DTL: variants seen among roughly 807,000 people sequenced by gnomAD.
The protein encoded by DTL is denticleless protein homolog.
In DTL, 46 loss-of-function variants were observed where a neutral mutation model predicts 87.0. The observed-to-expected ratio is 0.53, with a 90% CI of 0.42 to 0.68. DTL has a LOEUF of 0.68. Ranked by LOEUF, DTL falls within the 30% of genes least tolerant of loss-of-function variation. The pLI is 0.00. For synonymous variants in DTL, 308 were observed against 311.2 expected, an observed-to-expected ratio of 0.99 and a Z score of 0.11; for missense variants, 737 against 869.4, an observed-to-expected ratio of 0.85 and a Z score of 1.91.
At chr1:212,044,601 T>TGAAA (rs1349457871) in intron 2 of DTL, 59 bp from the exon 3 acceptor site, 17 of 926,192 alleles carry the variant, frequency 1.8e-5, no homozygotes, top group Non-Finnish European at 2.6e-5. Context: ...AGACTCCGTC[T>TGAAA]GAAAAAAAAA....
chr1:212,068,834 C>T lies in DTL; in HGVS notation c.922+131C>T, dbSNP rs187352592. 1.4e-5 allele frequency: 8 copies of T among 565,156 alleles called. No homozygotes were observed. The African/African-American group carries it at 1.5e-4, about 11-fold the overall frequency. 35.0% of individuals were successfully genotyped at this position (565,156 alleles called of 1,614,324 possible). ...ATGAGGACTTTGGCATCTTTGATTA[C>T]ATCCAGTGATAATTTCATAAGTGTA... On this transcript the variant is annotated intron_variant, in intron 10 of 14. Coordinates refer to ENST00000366991, the MANE Select transcript of DTL (RefSeq NM_016448.4).
At chr1:212,042,903 T>C in intron 1 of DTL, 90 bp from the exon 2 acceptor site, 2 of 1,281,376 alleles carry the variant, frequency 1.6e-6, no homozygotes, top group Non-Finnish European at 2.1e-6. Flanking sequence ...ATCTAAAGTT[T>C]CTTAAGGACA....
Position 212,072,231 on chromosome 1 carries a change from A to G in DTL, c.1035+18A>G, listed in dbSNP as rs745838994. The stretch of plus-strand genomic sequence containing the variant: ...TATGGAAGGTAAGTTGCTAAACTTC[A>G]CCCACAAGTGTTAGACTGAAGTATT... On this transcript the variant is annotated intron_variant, in intron 11 of 14. Transcript: ENST00000366991. 1 of 1,565,952 alleles carries G rather than the reference A, an allele frequency of 6.4e-7. No homozygotes were observed. The highest frequency in any genetic ancestry group is 1.7e-5 in the Admixed American group (1 of 59,908).
At chr1:212,036,620 A>G (rs970107812) in intron 1 of DTL, among the ~76,000 whole-genome samples, 1 of 152,210 alleles carries the variant, frequency 6.6e-6, no homozygotes, top group Non-Finnish European at 1.5e-5. Flanking sequence ...CAGTTTTTTC[A>G]CTTTAATGGT....
chr1:212,048,354 A>G (rs1362119497), intron 5 of DTL, among the ~76,000 whole-genome samples: 2 of 151,900 alleles, frequency 1.3e-5, no homozygotes, highest in East Asian at 3.9e-4. Context: ...CACCACGCCC[A>G]GCTAATTTTT....
At chr1:212,072,925 G>A (rs960196743) in intron 11 of DTL, among the ~76,000 whole-genome samples, 3 of 151,922 alleles carry the variant, frequency 2.0e-5, no homozygotes, top group South Asian at 4.2e-4. Context: ...CACCACGCCC[G>A]GCTAATTTCT....
chr1:212,093,203 C>G (rs1655338125), intron 13 of DTL, among the ~76,000 whole-genome samples: 1 of 152,136 alleles, frequency 6.6e-6, no homozygotes, highest in African/African-American at 2.4e-5. Context: ...GCTCAGACCT[C>G]TACGGGAGCA....
chr1:212,089,968 A>G (rs1199863129), intron 13 of DTL, among the ~76,000 whole-genome samples: 1 of 152,204 alleles, frequency 6.6e-6, no homozygotes, highest in African/African-American at 2.4e-5. Context: ...GGAACAGATG[A>G]CTGTGGCAGC....
Position 212,104,821 on chromosome 1 carries a change from C to G in DTL, c.*1881C>G, listed in dbSNP as rs2102593981. On this transcript the variant is annotated 3_prime_UTR_variant, in exon 15 of 15. Coordinates refer to ENST00000366991, the MANE Select transcript of DTL (RefSeq NM_016448.4). ...GTCCATGTCAGACTTTGAGCTGATC[C>G]TGAATAATAAAGCCTTTTACCTTAT... The G allele has an allele frequency of 6.6e-6, 1 of 152,210 alleles. No homozygotes were observed. The highest frequency in any genetic ancestry group is 2.1e-4 in the South Asian group (1 of 4,822). The allele number at this position is 152,210 out of a possible 1,614,324, so 9.4% of individuals were successfully genotyped here.
chr1:212,060,734 C>CA (rs36050858), intron 5 of DTL, among the ~76,000 whole-genome samples: 12,896 of 90,280 alleles, frequency 0.14, 695 homozygotes, highest in Admixed American at 0.2. Flanking sequence ...GACTCAGTCT[C>CA]AAAAAAAAAA....
chr1:212,046,308 A>G (rs540941177), intron 3 of DTL, among the ~76,000 whole-genome samples: 274 of 152,292 alleles, frequency 1.8e-3, no homozygotes, highest in Non-Finnish European at 2.7e-3. Context: ...TTTAAGTTCC[A>G]GGGTACATGT....
rs1052802173 is a variant in DTL, at chr1:212,098,319, T to A, written c.1262-1933T>A. Reference sequence around the variant, plus strand: ...CTGCTTTCTTGGAGCAGGGTTGTTCTGTTGAATTGCTGTAATGGCTTGAAT... The same window carrying A: ...CTGCTTTCTTGGAGCAGGGTTGTTCAGTTGAATTGCTGTAATGGCTTGAAT... On this transcript the variant is annotated intron_variant, in intron 13 of 14. Transcript: ENST00000366991. Among the ~76,000 whole-genome samples the A allele has an allele frequency of 5.9e-5, 9 of 152,248 alleles. No individual in the cohort carries two copies. The South Asian group carries it at 8.3e-4, about 14-fold the overall frequency.
chr1:212,093,047 G>C (rs1056771758), intron 13 of DTL, among the ~76,000 whole-genome samples: 4 of 151,630 alleles, frequency 2.6e-5, no homozygotes, highest in African/African-American at 9.7e-5. Context: ...TCTTTTTTTT[G>C]AGAATTGTCT....
At chr1:212,088,672 A>G (rs1305374524) in intron 13 of DTL, among the ~76,000 whole-genome samples, 2 of 152,252 alleles carry the variant, frequency 1.3e-5, no homozygotes, top group Non-Finnish European at 2.9e-5. Context: ...ATGAACAAAG[A>G]AATGTGACAG....
chr1:212,089,436 T>C (rs1482680022), intron 13 of DTL, among the ~76,000 whole-genome samples: 1 of 152,230 alleles, frequency 6.6e-6, no homozygotes, highest in Non-Finnish European at 1.5e-5. Flanking sequence ...TTTTGGGGTT[T>C]TTTAAGGTCT....
chr1:212,044,877 T>C, intron 3 of DTL, 119 bp downstream of exon 3: 2 of 624,018 alleles, frequency 3.2e-6, no homozygotes, highest in South Asian at 4.5e-5. Flanking sequence ...AAGGAATAAC[T>C]GAGACTGGGT....
chr1:212,089,704 G>T (rs1248516938), intron 13 of DTL, among the ~76,000 whole-genome samples: 7 of 152,002 alleles, frequency 4.6e-5, no homozygotes, highest in East Asian at 1.9e-4. Flanking sequence ...GACCCCCATG[G>T]ACCACTTCCT....
chr1:212,043,085 C>T lies in DTL; in HGVS notation c.145C>T (p.Pro49Ser). The T allele has an allele frequency of 6.2e-7, 1 of 1,613,104 alleles. No individual in the cohort carries two copies. The highest frequency in any genetic ancestry group is 8.5e-7 in the Non-Finnish European group (1 of 1,179,590). The part of the protein sequence containing the change: ...EHTSYGETGV[P>S]VPPFGCTFSS... ...CACTTCTTATGGAGAAACAGGAGTC[C>T]CAGTTCCTCCTTTTGGATGTACCTT... The change falls in exon 2 of 15, where the codon CCA (proline) becomes TCA (serine). Residue 49 changes from proline (P) to serine (S), a missense_variant. Pro to Ser is a moderately conservative substitution (Grantham distance 74). Coordinates refer to ENST00000366991, the MANE Select transcript of DTL (RefSeq NM_016448.4).
intron 11 of DTL, 41 bp from the exon 12 acceptor site, chr1:212,078,132 T>G: frequency 1.6e-6 from 2 of 1,243,970 alleles, no homozygotes; most frequent in South Asian, 2.4e-5. Context: ...CTGGGAAATC[T>G]AATATTGCTT....
Sources: allele counts gnomAD v4.1 joint callset (sites outside exome capture counted in the v4.1 genomes callset), GRCh38; gene constraint gnomAD v4.1.1; transcripts MANE v1.5; gene names NCBI Gene and HGNC (gene_info 2026-07-23, HGNC 2026-07-21).